Variants in CASZ1 observed in about 807,000 individuals in gnomAD.
CASZ1 encodes the protein zinc finger protein castor homolog 1.
CASZ1 carries 28 observed loss-of-function variants against 135.2 expected under a neutral mutation model. That is an observed-to-expected ratio of 0.21 (90% CI 0.15 to 0.28). The LOEUF is 0.28. Among genes scored for constraint, CASZ1 ranks in the 10% least tolerant of loss-of-function variants. CASZ1 has a pLI of 1.00. For synonymous variants in CASZ1, 1,068 were observed against 1,073.4 expected (o/e 0.99, Z 0.10); for missense variants, 2,161 against 2,453.3 (o/e 0.88, Z 2.52).
Position 10,660,688 on chromosome 1 carries a change from G to A in CASZ1, c.506-152C>T, listed in dbSNP as rs1317303753. 11 of 599,742 alleles carry A rather than the reference G, an allele frequency of 1.8e-5. No homozygotes were observed. The East Asian group carries it at 2.2e-4, about 12-fold the overall frequency. 37.2% of individuals were successfully genotyped at this position (599,742 alleles called of 1,614,324 possible). Reference sequence around the variant, plus strand: ...CTATGGACGTTTGGCTCACTTGTTAGGTTTTACGACTCTTAAATTAATTTG... The same window carrying A: ...CTATGGACGTTTGGCTCACTTGTTAAGTTTTACGACTCTTAAATTAATTTG... On this transcript the variant is annotated intron_variant, in intron 5 of 20. Coordinates refer to ENST00000377022, the MANE Select transcript of CASZ1 (RefSeq NM_001079843.3).
chr1:10,795,522 T>C (rs963098696), intron 1 of CASZ1, among the ~76,000 whole-genome samples: 2 of 151,304 alleles, frequency 1.3e-5, no homozygotes, highest in African/African-American at 2.4e-5. Flanking sequence ...ACCAGCCCGC[T>C]AGCCCGCCAG....
intron 20 of CASZ1, among the ~76,000 whole-genome samples, chr1:10,640,829 G>A (rs1008405166): frequency 6.6e-6 from 1 of 152,192 alleles, no homozygotes; most frequent in African/African-American, 2.4e-5. Flanking sequence ...GGCCCAGACT[G>A]CTTCCTGGGA....
Position 10,724,726 on chromosome 1 carries a change from G to A in CASZ1, c.-76-19182C>T, listed in dbSNP as rs111653116. Among the ~76,000 whole-genome samples, 4 of 152,340 alleles carry A rather than the reference G, an allele frequency of 2.6e-5. No individual in the cohort carries two copies. The highest frequency in any genetic ancestry group is 7.2e-5 in the African/African-American group (3 of 41,588). ...AGGGGCACCCCAAGGGCACTGCCCA[G>A]CCAGAGGCAGGGGCAAGGGCCCTGG... On this transcript the variant is annotated intron_variant, in intron 2 of 20. Transcript: ENST00000377022. The surrounding 1 kb of genome is among the most constrained non-coding windows in gnomAD (Gnocchi z 4.1).
chr1:10,678,144 C>A (rs533233702), intron 4 of CASZ1, among the ~76,000 whole-genome samples: 2 of 152,180 alleles, frequency 1.3e-5, no homozygotes, highest in African/African-American at 2.4e-5. Context: ...CCAGGAGAGG[C>A]GGCGGCGTGG....
intron 2 of CASZ1, among the ~76,000 whole-genome samples, chr1:10,738,810 A>C (rs1639853539): frequency 6.6e-6 from 1 of 152,186 alleles, no homozygotes; most frequent in Non-Finnish European, 1.5e-5. Context: ...ATCTATATGC[A>C]AATATGCTAA....
At position 10,779,043 on chromosome 1, in the gene CASZ1, G is replaced by A. The variant is rs551316404; in HGVS notation, c.-234+17521C>T. Among the ~76,000 whole-genome samples, 180 of 152,294 alleles carry A rather than the reference G, an allele frequency of 1.2e-3. 3 individuals carry two copies. The highest frequency in any genetic ancestry group is 4.1e-3 in the African/African-American group (171 of 41,552). ...ATCAACCCCACGAGCTAAATGTAGG[G>A]AGTTTGCTTTGGTTCACATTTATTT... is the stretch of plus-strand genomic sequence containing the variant. On this transcript the variant is annotated intron_variant, in intron 1 of 20. Transcript: ENST00000377022.
At chr1:10,784,995 C>T (rs1189281446) in intron 1 of CASZ1, among the ~76,000 whole-genome samples, 1 of 152,166 alleles carries the variant, frequency 6.6e-6, no homozygotes, top group Admixed American at 6.5e-5. Context: ...TACCAGTCAG[C>T]CTCCAACTTC....
chr1:10,660,490 C>T lies in CASZ1; in HGVS notation c.552G>A (p.Glu184=). 2 of 1,614,008 alleles carry T rather than the reference C, an allele frequency of 1.2e-6. No homozygotes were observed. Among genetic ancestry groups the T allele is most frequent in the South Asian group, 2.2e-5 (2 of 91,074 alleles). Residue 184 remains glutamate, a synonymous_variant, in exon 6 of 21, where the codon GAG becomes GAA. Transcript: ENST00000377022. ...LRDYAASTMT[E]FLGMFGYDDQ... ...CATCATAGCCAAACATGCCGAGGAA[C>T]TCGGTCATGGTGGAGGCCGCGTAGT...
rs576233888 is a variant in CASZ1, at chr1:10,776,820, C to T, written c.-233-15963G>A. ...GCTCATCTTGGGAGGTGGCTGCTTG[C>T]CAGCGATGGAGATGGGGCTAGAACC... On this transcript the variant is annotated intron_variant, in intron 1 of 20. Transcript: ENST00000377022. The surrounding 1 kb of genome is among the most constrained non-coding windows in gnomAD (Gnocchi z 4.1). Among the ~76,000 whole-genome samples, 1 of 152,290 alleles carries T rather than the reference C, an allele frequency of 6.6e-6. No homozygotes were observed. The highest frequency in any genetic ancestry group is 1.5e-5 in the Non-Finnish European group (1 of 68,008).
rs369998591 is a variant in CASZ1 at position 10,659,695 on chromosome 1, G to A, written c.1340+7C>T. The A allele has an allele frequency of 1.2e-5, 19 of 1,605,824 alleles. No individual in the cohort carries two copies. The highest frequency in any genetic ancestry group is 5.0e-5 in the Admixed American group (3 of 59,978). Reference sequence around the variant, plus strand: ...CTCTGGGCATTGTGGGGTGGGGAGCGCCTTACTTGACAGTGGAGACGGTCC... The same window carrying A: ...CTCTGGGCATTGTGGGGTGGGGAGCACCTTACTTGACAGTGGAGACGGTCC... On this transcript the variant is annotated splice_region_variant and intron_variant, in intron 6 of 20. Transcript: ENST00000377022.
At chr1:10,645,110 T>A in intron 17 of CASZ1, 22 bp from the exon 18 acceptor site, 1 of 1,610,210 alleles carries the variant, frequency 6.2e-7, no homozygotes, top group Non-Finnish European at 8.5e-7. Flanking sequence ...CACGGGAGGG[T>A]CAGGACAGGC....
Position 10,711,431 on chromosome 1 carries a change from C to T in CASZ1, c.-76-5887G>A, listed in dbSNP as rs710133. ...CCATTCCTGTGCTGTTGAGGACTCGCGGAAATAATGGTTAGCACAGTAGGT... is the reference window on the plus strand; with the variant it reads ...CCATTCCTGTGCTGTTGAGGACTCGTGGAAATAATGGTTAGCACAGTAGGT... On this transcript the variant is annotated intron_variant, in intron 2 of 20. Coordinates refer to ENST00000377022, the MANE Select transcript of CASZ1 (RefSeq NM_001079843.3). This position sits in a 1 kb window ranked among gnomAD's most constrained non-coding sequence, Gnocchi z 4.4. 0.13 allele frequency among the ~76,000 whole-genome samples: 19,385 copies of T among 152,064 alleles called. 1,632 individuals are homozygous for T. The highest frequency in any genetic ancestry group is 0.22 in the African/African-American group (9,241 of 41,452).
intron 2 of CASZ1, among the ~76,000 whole-genome samples, chr1:10,760,414 C>T (rs562632594): frequency 6.6e-6 from 1 of 152,254 alleles, no homozygotes; most frequent in African/African-American, 2.4e-5. Context: ...GCCAGTTATG[C>T]TAACCTCTTC....
chr1:10,766,639 C>T (rs1396215646), intron 1 of CASZ1, among the ~76,000 whole-genome samples: 3 of 152,136 alleles, frequency 2.0e-5, no homozygotes, highest in Non-Finnish European at 4.4e-5. Context: ...TGCTGTCAAG[C>T]ATTTGATAAA....
chr1:10,701,633 C>T lies in CASZ1; in HGVS notation c.-24+3859G>A, dbSNP rs1639063135. ...ACCAGGGCTAAGGGGAGCTTCTGTC[C>T]TGCTCCTCCAGCCTGACACTAATGT... On this transcript the variant is annotated intron_variant, in intron 3 of 20. Transcript: ENST00000377022. This position sits in a 1 kb window ranked among gnomAD's most constrained non-coding sequence, Gnocchi z 6.3. 6.6e-6 allele frequency among the ~76,000 whole-genome samples: 1 copy of T among 152,192 alleles called. No individual in the cohort carries two copies. The highest frequency in any genetic ancestry group is 2.4e-5 in the African/African-American group (1 of 41,452).
At chr1:10,729,837 A>G (rs1201686009) in intron 2 of CASZ1, among the ~76,000 whole-genome samples, 5 of 151,886 alleles carry the variant, frequency 3.3e-5, no homozygotes, top group African/African-American at 9.7e-5. Flanking sequence ...TATTTTTGAC[A>G]TGGAGTCTCG....
intron 1 of CASZ1, among the ~76,000 whole-genome samples, chr1:10,761,843 A>G (rs1247831589): frequency 6.6e-6 from 1 of 152,168 alleles, no homozygotes; most frequent in Non-Finnish European, 1.5e-5. Context: ...GAGAACCCAG[A>G]GGGGGTGCTC....
In CASZ1 at chr1:10,717,648, G is replaced by T. The variant is rs981877915; in HGVS notation, c.-76-12104C>A. 1.3e-5 allele frequency among the ~76,000 whole-genome samples: 2 copies of T among 152,116 alleles called. No individual in the cohort carries two copies. Among genetic ancestry groups the T allele is most frequent in the Non-Finnish European group, 2.9e-5 (2 of 68,010 alleles). ...AAATACGGCTCCTGAGGACATGGAT[G>T]GGGGGCAGGGGGCAGGGGACAGGGG... is the stretch of plus-strand genomic sequence containing the variant. On this transcript the variant is annotated intron_variant, in intron 2 of 20. Transcript: ENST00000377022. This position sits in a 1 kb window ranked among gnomAD's most constrained non-coding sequence, Gnocchi z 4.6.
At chr1:10,744,978 G>A (rs1467232254) in intron 2 of CASZ1, among the ~76,000 whole-genome samples, 1 of 152,132 alleles carries the variant, frequency 6.6e-6, no homozygotes, top group African/African-American at 2.4e-5. Context: ...AACCGGCGAG[G>A]AAGTTTCCAG....
Sources: gnomAD v4.1 joint callset for allele counts (sites outside exome capture counted in the v4.1 genomes callset) on GRCh38, gnomAD v4.1.1 for gene constraint, Gnocchi (gnomAD v3.1) non-coding constraint, MANE v1.5 for transcripts, NCBI Gene and HGNC (gene_info 2026-07-23, HGNC 2026-07-21) for gene names.